PPM1B: variants seen among roughly 807,000 people sequenced by gnomAD.
PPM1B encodes protein phosphatase, Mg2+/Mn2+ dependent 1B, also known as protein phosphatase 1B.
In PPM1B, 22 loss-of-function variants were observed where a neutral mutation model predicts 43.0. That is an observed-to-expected ratio of 0.51 (90% CI 0.37 to 0.73). PPM1B has a LOEUF of 0.73. Ranked by LOEUF, PPM1B falls within the 30% of genes least tolerant of loss-of-function variation. The pLI is 0.00. For missense variants in PPM1B, 632 were observed against 584.2 expected (o/e 1.08, Z -0.84); for synonymous variants, 217 against 197.9 (o/e 1.10, Z -0.81).
At chr2:44,186,154 T>C (rs977342422) in intron 1 of PPM1B, among the ~76,000 whole-genome samples, 1 of 152,188 alleles carries the variant, frequency 6.6e-6, no homozygotes, top group Non-Finnish European at 1.5e-5. Flanking sequence ...CTCTTTGAAC[T>C]TAAGCTGGTT....
intron 5 of PPM1B, among the ~76,000 whole-genome samples, chr2:44,220,893 A>G (rs907498300): frequency 6.6e-6 from 1 of 152,360 alleles, no homozygotes; most frequent in East Asian, 1.9e-4. Context: ...CTAGAGAGGC[A>G]AGGACAAAGT....
At chr2:44,219,754 A>G (rs1669885913) in intron 5 of PPM1B, among the ~76,000 whole-genome samples, 1 of 151,838 alleles carries the variant, frequency 6.6e-6, no homozygotes, top group Non-Finnish European at 1.5e-5. Flanking sequence ...GACCAGCCTG[A>G]CCAACATGGA....
At chr2:44,179,573 A>G (rs1307698874) in intron 1 of PPM1B, among the ~76,000 whole-genome samples, 1 of 152,174 alleles carries the variant, frequency 6.6e-6, no homozygotes, top group African/African-American at 2.4e-5. Flanking sequence ...TTTCCTAATG[A>G]CAAAATCTTA....
downstream of PPM1B, among the ~76,000 whole-genome samples, chr2:44,235,244 A>T (rs1670578262): frequency 6.6e-6 from 1 of 152,238 alleles, no homozygotes; most frequent in African/African-American, 2.4e-5. Context: ...AGTCATTTGG[A>T]AAATACTGGT....
rs1303065134 is a variant in PPM1B, at chr2:44,201,328, T to C, written c.129T>C (p.Val43=). ...AAATGGAAGATGCACACACAGCTGTTGTAGGTATTCCTCACGGCTTGGAAG... is the reference window on the plus strand; with the variant it reads ...AAATGGAAGATGCACACACAGCTGTCGTAGGTATTCCTCACGGCTTGGAAG... ...RVEMEDAHTA[V]VGIPHGLEDW... is the part of the protein sequence containing the mutation. The change falls in exon 2 of 6, where the codon GTT becomes GTC. Residue 43 remains valine (V), a synonymous_variant. Coordinates refer to ENST00000282412, the MANE Select transcript of PPM1B (RefSeq NM_002706.6). The surrounding 1 kb of genome is among the most constrained non-coding windows in gnomAD (Gnocchi z 5.4). 1 of 1,614,054 alleles carries C rather than the reference T, an allele frequency of 6.2e-7. No homozygotes were observed. Among genetic ancestry groups the C allele is most frequent in the East Asian group, 2.2e-5 (1 of 44,890 alleles).
At chr2:44,209,158 A>T (rs1018909542) in intron 2 of PPM1B, 52 bp from the exon 3 acceptor site, 1 of 1,424,818 alleles carries the variant, frequency 7.0e-7, no homozygotes, top group African/African-American at 1.5e-5. Context: ...GAAGTAAATA[A>T]TAGTTGATTG....
intron 2 of PPM1B, among the ~76,000 whole-genome samples, chr2:44,208,346 T>C (rs975102390): frequency 2.0e-5 from 3 of 152,236 alleles, no homozygotes; most frequent in Non-Finnish European, 4.4e-5. Context: ...AGTTATCACA[T>C]GACTACAGTT....
chr2:44,212,707 C>A (rs1669532349), intron 3 of PPM1B, among the ~76,000 whole-genome samples: 2 of 152,024 alleles, frequency 1.3e-5, no homozygotes, highest in Admixed American at 6.6e-5. Flanking sequence ...GTTACACATT[C>A]TTTAAAAAAT....
intron 5 of PPM1B, among the ~76,000 whole-genome samples, chr2:44,243,410 ATTTTC>A (rs902522261): frequency 3.9e-5 from 6 of 152,164 alleles, no homozygotes; most frequent in African/African-American, 1.2e-4. Flanking sequence ...AATTTTCAGA[ATTTTC>A]TTTAACAGTT....
Position 44,224,935 on chromosome 2 carries a change from A to G in PPM1B, c.1135-5478A>G, listed in dbSNP as rs573929052. On this transcript the variant is annotated intron_variant, in intron 5 of 5. Transcript: ENST00000282412. ...TTTCTTTAGTAAGAGTCTTACCTGT[A>G]TGAGGTACTTCCTATGCAAAAAAGG... is the stretch of plus-strand genomic sequence containing the variant. Among the ~76,000 whole-genome samples, 36 of 152,318 alleles carry G rather than the reference A, an allele frequency of 2.4e-4. No individual in the cohort carries two copies. The South Asian group carries it at 7.2e-3, about 31-fold the overall frequency.
intron 3 of PPM1B, chr2:44,209,531 C>T (rs1669356583): frequency 2.1e-6 from 1 of 485,652 alleles, no homozygotes; most frequent in East Asian, 4.0e-5. Context: ...CCTGTAATCC[C>T]AGCACTTTGG....
chr2:44,201,653 T>G lies in PPM1B; in HGVS notation c.454T>G (p.Ser152Ala). ...KHIYFINCGD[S>A]RAVLYRNGQV... ...TATCTACTTTATCAACTGTGGTGAT[T>G]CACGTGCTGTTCTGTATAGGAATGG... is the stretch of plus-strand genomic sequence containing the variant. Residue 152 changes from serine (S) to alanine (A), a missense_variant, in exon 2 of 6, where the codon TCA becomes GCA. Physicochemically the swap from Ser to Ala is moderately conservative, Grantham distance 99. Around this residue, in one of 3 missense-constraint regions of PPM1B, gnomAD observed 200 missense variants for 200.7 expected, o/e 1.00. Coordinates refer to ENST00000282412, the MANE Select transcript of PPM1B (RefSeq NM_002706.6). This position sits in a 1 kb window ranked among gnomAD's most constrained non-coding sequence, Gnocchi z 5.4. 1.2e-6 allele frequency: 2 copies of G among 1,614,238 alleles called. No homozygotes were observed. Among genetic ancestry groups the G allele is most frequent in the Non-Finnish European group, 1.7e-6 (2 of 1,180,040 alleles).
chr2:44,178,508 C>T (rs1342941205), intron 1 of PPM1B, among the ~76,000 whole-genome samples: 2 of 149,194 alleles, frequency 1.3e-5, no homozygotes, highest in African/African-American at 2.5e-5. Context: ...GCTCTTGTCA[C>T]CCAGGCTGGA....
At chr2:44,226,735 CTTTTTTTT>C (rs60750702) in intron 5 of PPM1B, among the ~76,000 whole-genome samples, 2 of 66,684 alleles carry the variant, frequency 3.0e-5, no homozygotes, top group Non-Finnish European at 5.1e-5. Flanking sequence ...AGGTTTTTAT[CTTTTTTTT>C]TTTTTTTTTT....
At chr2:44,186,290 C>T (rs1024350605) in intron 1 of PPM1B, among the ~76,000 whole-genome samples, 4 of 152,166 alleles carry the variant, frequency 2.6e-5, no homozygotes, top group African/African-American at 9.7e-5. Context: ...AGAAATATTT[C>T]TTGGTAACAC....
intron 1 of PPM1B, among the ~76,000 whole-genome samples, chr2:44,199,324 TA>T (rs796771747): frequency 0.012 from 875 of 74,638 alleles, 4 homozygotes; most frequent in Admixed American, 0.019. Context: ...AAAATAAAAA[TA>T]AAAAAAAAAA....
intron 1 of PPM1B, among the ~76,000 whole-genome samples, chr2:44,185,050 A>G (rs910299242): frequency 5.3e-5 from 8 of 151,192 alleles, no homozygotes; most frequent in Non-Finnish European, 1.2e-4. Context: ...TGACTTTAAT[A>G]TTATTGGGTT....
intron 5 of PPM1B, 82 bp from the exon 6 acceptor site, chr2:44,230,331 G>C: frequency 1.3e-6 from 2 of 1,542,346 alleles, no homozygotes; most frequent in Non-Finnish European, 1.7e-6. Context: ...AGAGAAATTA[G>C]TATTTTGCTG....
At chr2:44,194,768 T>C (rs966375225) in intron 1 of PPM1B, among the ~76,000 whole-genome samples, 1 of 152,174 alleles carries the variant, frequency 6.6e-6, no homozygotes, top group African/African-American at 2.4e-5. Flanking sequence ...CAGCATTCAT[T>C]ATGCAAATTT....
Sources: allele counts gnomAD v4.1 joint callset (sites outside exome capture counted in the v4.1 genomes callset), GRCh38; gene constraint gnomAD v4.1.1; regional missense constraint gnomAD v4.1.1; non-coding constraint Gnocchi (gnomAD v3.1); transcripts MANE v1.5; gene names NCBI Gene and HGNC (gene_info 2026-07-23, HGNC 2026-07-21).